NCKAP5: variants seen among roughly 807,000 people sequenced by gnomAD.
NCKAP5 encodes nck-associated protein 5.
Under a neutral mutation model 167.0 loss-of-function variants are expected in NCKAP5, and 92 were observed. The observed-to-expected ratio is 0.55, with a 90% confidence interval of 0.47 to 0.66. The LOEUF is 0.66. Ranked by LOEUF, NCKAP5 falls within the 30% of genes least tolerant of loss-of-function variation. The pLI is 0.00. For synonymous variants in NCKAP5, 891 were observed against 877.4 expected, an observed-to-expected ratio of 1.02 and a Z score of -0.27; for missense variants, 2,378 against 2,315.0, an observed-to-expected ratio of 1.03 and a Z score of -0.56.
intron 3 of NCKAP5, among the ~76,000 whole-genome samples, chr2:133,390,940 T>C (rs1574863649): frequency 6.6e-6 from 1 of 152,230 alleles, no homozygotes; most frequent in East Asian, 1.9e-4. Flanking sequence ...TATTTATTGG[T>C]AATATACTCA....
At chr2:133,254,330 G>A (rs748751245) in intron 4 of NCKAP5, among the ~76,000 whole-genome samples, 1 of 152,016 alleles carries the variant, frequency 6.6e-6, no homozygotes, top group Non-Finnish European at 1.5e-5. Context: ...AAGACACCCA[G>A]TCACCCCAGA....
At chr2:133,230,398 G>A (rs1188974231) in intron 4 of NCKAP5, among the ~76,000 whole-genome samples, 1 of 152,164 alleles carries the variant, frequency 6.6e-6, no homozygotes, top group Non-Finnish European at 1.5e-5. Context: ...TATAAAGCAT[G>A]TAGATAAGAA....
At chr2:132,730,520 CA>C (rs1256448290) in intron 17 of NCKAP5, among the ~76,000 whole-genome samples, 1 of 152,122 alleles carries the variant, frequency 6.6e-6, no homozygotes, top group Non-Finnish European at 1.5e-5. Flanking sequence ...ACAAAAAAGA[CA>C]GAACCTTAGA....
intron 19 of NCKAP5, among the ~76,000 whole-genome samples, chr2:132,698,400 C>T (rs1687546574): frequency 6.6e-6 from 1 of 152,158 alleles, no homozygotes; most frequent in African/African-American, 2.4e-5. Flanking sequence ...TGAACACTGG[C>T]TGTGTCACTC....
intron 11 of NCKAP5, among the ~76,000 whole-genome samples, chr2:132,857,618 AT>A: frequency 6.6e-6 from 1 of 152,216 alleles, no homozygotes; most frequent in East Asian, 1.9e-4. Flanking sequence ...TTACTTTTGG[AT>A]TTTGTTTGCT....
intron 6 of NCKAP5, among the ~76,000 whole-genome samples, chr2:133,049,365 G>A (rs1408716431): frequency 1.3e-5 from 2 of 152,044 alleles, no homozygotes; most frequent in Admixed American, 6.6e-5. Flanking sequence ...CTAACACAGT[G>A]AAACCCCGTC....
intron 3 of NCKAP5, among the ~76,000 whole-genome samples, chr2:133,376,967 T>C (rs1686187737): frequency 6.6e-6 from 1 of 152,198 alleles, no homozygotes; most frequent in South Asian, 2.1e-4. Context: ...AAATTGTAAG[T>C]AGTGTATTCA....
At chr2:133,169,562 G>C (rs2084149137) in intron 5 of NCKAP5, among the ~76,000 whole-genome samples, 1 of 152,112 alleles carries the variant, frequency 6.6e-6, no homozygotes. Flanking sequence ...GCTGCCATAA[G>C]CATTCAGACT....
At chr2:133,539,264 A>T (rs1386684999) in intron 2 of NCKAP5, among the ~76,000 whole-genome samples, 1 of 152,000 alleles carries the variant, frequency 6.6e-6, no homozygotes, top group African/African-American at 2.4e-5. Context: ...TATAGAATAG[A>T]TGCCTCAAGT....
chr2:132,688,121 C>A (rs916056637), intron 19 of NCKAP5, among the ~76,000 whole-genome samples: 1 of 152,020 alleles, frequency 6.6e-6, no homozygotes, highest in African/African-American at 2.4e-5. Context: ...AAGAAATATA[C>A]CATTTTATAA....
At chr2:133,268,358 C>G (rs1207864694) in intron 4 of NCKAP5, 1 of 151,838 alleles carries the variant, frequency 6.6e-6, no homozygotes, top group Non-Finnish European at 1.5e-5. Flanking sequence ...ATTTACAGGT[C>G]AGAATTAAAA....
chr2:133,194,946 C>T (rs2085375710), intron 5 of NCKAP5, among the ~76,000 whole-genome samples: 1 of 151,752 alleles, frequency 6.6e-6, no homozygotes, highest in Non-Finnish European at 1.5e-5. Flanking sequence ...AGTTAGCTGT[C>T]TACTCACCAA....
At chr2:133,250,331 T>A (rs1032992645) in intron 4 of NCKAP5, among the ~76,000 whole-genome samples, 1 of 152,160 alleles carries the variant, frequency 6.6e-6, no homozygotes, top group Admixed American at 6.5e-5. Context: ...CCACCGTACA[T>A]TTCCTATGGG....
chr2:132,769,376 A>G (rs755287715), intron 16 of NCKAP5, among the ~76,000 whole-genome samples: 1 of 152,234 alleles, frequency 6.6e-6, no homozygotes, highest in South Asian at 2.1e-4. Flanking sequence ...CAAAGACATT[A>G]GTTAATATTG....
intron 6 of NCKAP5, among the ~76,000 whole-genome samples, chr2:133,049,097 T>C (rs990869418): frequency 2.6e-5 from 4 of 152,210 alleles, no homozygotes; most frequent in African/African-American, 9.6e-5. Context: ...GATTTCAAAA[T>C]GATGGCAACA....
In NCKAP5 at chr2:132,773,891, T is replaced by G. The variant is rs189199346; in HGVS notation, c.5053A>C (p.Lys1685Gln). 1.3e-3 allele frequency: 2,100 copies of G among 1,609,296 alleles called. 2 individuals are homozygous for G. The highest frequency in any genetic ancestry group is 1.6e-3 in the Non-Finnish European group (1,942 of 1,178,452). ...DMEVPKDSLV[K>Q]EANENLQEDE... The stretch of plus-strand genomic sequence containing the variant: ...TCTTGCAAGTTTTCATTTGCCTCTT[T>G]TACCTGCAGGAAGAAGAAAATGATG... The change falls in exon 16 of 20, where the codon AAA (lysine) becomes CAA (glutamine). Residue 1685 changes from lysine (K) to glutamine (Q), a missense_variant. Lys to Gln is a moderately conservative substitution (Grantham distance 53, BLOSUM62 1). Coordinates refer to ENST00000409261, the MANE Select transcript of NCKAP5 (RefSeq NM_207363.3).
At chr2:133,424,264 T>G (rs555340205) in intron 3 of NCKAP5, among the ~76,000 whole-genome samples, 1 of 152,344 alleles carries the variant, frequency 6.6e-6, no homozygotes, top group African/African-American at 2.4e-5. Context: ...CTGCTGTTAA[T>G]GCTCTCAATT....
At chr2:133,047,010 G>C (rs922007746) in intron 6 of NCKAP5, among the ~76,000 whole-genome samples, 1 of 152,128 alleles carries the variant, frequency 6.6e-6, no homozygotes, top group East Asian at 1.9e-4. Flanking sequence ...ATATTTCAGA[G>C]TGATTTGCCC....
intron 3 of NCKAP5, among the ~76,000 whole-genome samples, chr2:133,307,728 T>C (rs548890525): frequency 6.6e-5 from 10 of 152,318 alleles, no homozygotes; most frequent in African/African-American, 2.4e-4. Flanking sequence ...CATCTTTTAA[T>C]TAAAAACTTA....
Sources: gnomAD v4.1 joint callset for allele counts (sites outside exome capture counted in the v4.1 genomes callset) on GRCh38, gnomAD v4.1.1 for gene constraint, MANE v1.5 for transcripts, NCBI Gene and HGNC (gene_info 2026-07-23, HGNC 2026-07-21) for gene names.